ZBBX: variants seen among roughly 807,000 people sequenced by gnomAD.
The protein encoded by ZBBX is zinc finger B-box domain-containing protein 1.
Under a neutral mutation model 108.5 loss-of-function variants are expected in ZBBX, and 101 were observed. The observed-to-expected ratio is 0.93, with a 90% CI of 0.79 to 1.10. The LOEUF (loss-of-function observed/expected upper bound fraction) is 1.10. Ranked by LOEUF, ZBBX falls within the 50% of genes least tolerant of loss-of-function variation. The pLI, the probability that ZBBX is intolerant of heterozygous loss-of-function variation, is 0.00. For synonymous variants in ZBBX, 356 were observed against 323.4 expected (o/e 1.10, Z -1.08); for missense variants, 1,009 against 941.4 (o/e 1.07, Z -0.94).
At chr3:167,304,843 A>G (rs1180539489) in intron 17 of ZBBX, among the ~76,000 whole-genome samples, 1 of 151,962 alleles carries the variant, frequency 6.6e-6, no homozygotes, top group East Asian at 1.9e-4. Context: ...ACTCAGTTCC[A>G]ATTTCTTATC....
downstream of ZBBX, among the ~76,000 whole-genome samples, chr3:167,238,334 G>T (rs888280149): frequency 2.0e-5 from 3 of 151,926 alleles, no homozygotes; most frequent in Non-Finnish European, 4.4e-5. Flanking sequence ...TTGTGGAGGA[G>T]TCATACTCTT....
At chr3:167,296,888 A>C (rs1731778287) in intron 18 of ZBBX, among the ~76,000 whole-genome samples, 1 of 151,988 alleles carries the variant, frequency 6.6e-6, no homozygotes, top group Non-Finnish European at 1.5e-5. Flanking sequence ...TAAAATTCAC[A>C]TGCAATCACC....
At chr3:167,200,157 T>C in the ZBBX span, among the ~76,000 whole-genome samples, 1 of 152,186 alleles carries the variant, frequency 6.6e-6, no homozygotes. Flanking sequence ...CATTTCAACT[T>C]GATTACATCT....
the ZBBX span, among the ~76,000 whole-genome samples, chr3:167,195,051 C>A: frequency 2.6e-5 from 4 of 152,286 alleles, no homozygotes; most frequent in Non-Finnish European, 4.4e-5. Flanking sequence ...TCTCCAGAAA[C>A]AACCGGTGCC....
At chr3:167,401,452 A>G (rs551700616) in intron 1 of ZBBX, 7 of 152,306 alleles carry the variant, frequency 4.6e-5, no homozygotes, top group African/African-American at 1.7e-4. Context: ...GTAAAGGAAC[A>G]AAAAATGGCT....
chr3:167,315,753 C>T lies in ZBBX; in HGVS notation c.1271G>A (p.Arg424Gln), dbSNP rs200931808. ...KVKLADADSQ[R>Q]SCAFHDCQKN... ...AAGTTAATTAGAAAGGTTTTACCTTCGTTGACTGTCTGCATCAGCTAATTT... is the reference window on the plus strand; with the variant it reads ...AAGTTAATTAGAAAGGTTTTACCTTTGTTGACTGTCTGCATCAGCTAATTT... Residue 424 changes from arginine (R) to glutamine (Q), a missense_variant, in exon 15 of 22, where the codon CGA becomes CAA. Coordinates refer to ENST00000675490, the MANE Select transcript of ZBBX (RefSeq NM_001199201.2). The T allele has an allele frequency of 7.8e-5, 126 of 1,605,244 alleles. No homozygotes were observed. The highest frequency in any genetic ancestry group is 8.5e-5 in the Non-Finnish European group (100 of 1,175,022).
chr3:167,282,755 T>C (rs1729034628), intron 19 of ZBBX, among the ~76,000 whole-genome samples: 1 of 152,188 alleles, frequency 6.6e-6, no homozygotes, highest in African/African-American at 2.4e-5. Context: ...CTAATTTTAA[T>C]ATTCACAAAG....
At chr3:167,315,934 G>A in intron 14 of ZBBX, 105 bp from the exon 15 acceptor site, 1 of 624,612 alleles carries the variant, frequency 1.6e-6, no homozygotes, top group East Asian at 2.9e-5. Context: ...TCCTACAAAT[G>A]ATGTTATGAG....
intron 20 of ZBBX, among the ~76,000 whole-genome samples, chr3:167,266,207 T>G (rs1725434163): frequency 2.0e-5 from 3 of 152,172 alleles, no homozygotes; most frequent in Admixed American, 2.0e-4. Flanking sequence ...TTTCTCAACT[T>G]TTGAAGGTAT....
intron 8 of ZBBX, among the ~76,000 whole-genome samples, chr3:167,351,056 T>C (rs1742555700): frequency 6.6e-6 from 1 of 152,010 alleles, no homozygotes; most frequent in Non-Finnish European, 1.5e-5. Context: ...AAAGTATGGC[T>C]TTAAAATTTT....
chr3:167,303,452 A>G (rs535845635), intron 17 of ZBBX, among the ~76,000 whole-genome samples: 1 of 152,212 alleles, frequency 6.6e-6, no homozygotes, highest in East Asian at 1.9e-4. Context: ...ATTATTTTGT[A>G]ATACATCTAA....
At chr3:167,195,270 T>C in the ZBBX span, among the ~76,000 whole-genome samples, 22 of 152,230 alleles carry the variant, frequency 1.4e-4, no homozygotes, top group Admixed American at 2.0e-4. Context: ...AATTCTCTGA[T>C]GGTTTTTTTC....
chr3:167,224,876 T>A, the ZBBX span, among the ~76,000 whole-genome samples: 2 of 151,878 alleles, frequency 1.3e-5, no homozygotes, highest in Non-Finnish European at 2.9e-5. Context: ...CTTCCCAGTC[T>A]AGCCTAATAT....
chr3:167,193,972 A>G, the ZBBX span, among the ~76,000 whole-genome samples: 6 of 152,070 alleles, frequency 3.9e-5, no homozygotes, highest in Non-Finnish European at 8.8e-5. Flanking sequence ...CAGAAGTTAG[A>G]AAGGTTGGGG....
At chr3:167,355,772 T>C (rs568100313) in intron 8 of ZBBX, among the ~76,000 whole-genome samples, 1 of 152,166 alleles carries the variant, frequency 6.6e-6, no homozygotes, top group East Asian at 1.9e-4. Context: ...ACAACTAACA[T>C]GGGATATTCT....
chr3:167,210,844 G>T, the ZBBX span, among the ~76,000 whole-genome samples: 2 of 152,124 alleles, frequency 1.3e-5, no homozygotes, highest in African/African-American at 4.8e-5. Context: ...ATATGAAGGA[G>T]AAATACTTTC....
chr3:167,263,768 T>C (rs572665391), intron 20 of ZBBX, among the ~76,000 whole-genome samples: 1 of 152,238 alleles, frequency 6.6e-6, no homozygotes, highest in Non-Finnish European at 1.5e-5. Flanking sequence ...TAGTGTTTCT[T>C]CATTGATTTT....
chr3:167,221,812 G>T, the ZBBX span, among the ~76,000 whole-genome samples: 1 of 151,868 alleles, frequency 6.6e-6, no homozygotes, highest in Non-Finnish European at 1.5e-5. Flanking sequence ...TATGTAAAAA[G>T]ATGTTCAAAA....
the ZBBX span, among the ~76,000 whole-genome samples, chr3:167,209,686 C>A: frequency 1.3e-5 from 2 of 152,132 alleles, no homozygotes; most frequent in Non-Finnish European, 1.5e-5. Flanking sequence ...TGACGAACAT[C>A]CACAAGCATC....
Sources: gnomAD v4.1 joint callset for allele counts (sites outside exome capture counted in the v4.1 genomes callset) on GRCh38, gnomAD v4.1.1 for gene constraint, MANE v1.5 for transcripts, NCBI Gene and HGNC (gene_info 2026-07-23, HGNC 2026-07-21) for gene names.